CAPN5: variants seen among roughly 807,000 people sequenced by gnomAD.
The protein encoded by CAPN5 is calpain-5.
CAPN5 carries 54 observed loss-of-function variants against 73.0 expected under a neutral mutation model. The observed-to-expected ratio is 0.74, with a 90% confidence interval of 0.59 to 0.93. The LOEUF is 0.93. CAPN5 is among the 40% of genes least tolerant of loss of function. CAPN5 has a pLI of 0.00. For synonymous variants in CAPN5, 335 were observed against 356.9 expected, an observed-to-expected ratio of 0.94 and a Z score of 0.69; for missense variants, 785 against 882.9, an observed-to-expected ratio of 0.89 and a Z score of 1.41.
At chr11:77,087,849 G>A in intron 2 of CAPN5, 3 of 1,508,764 alleles carry the variant, frequency 2.0e-6, no homozygotes, top group Non-Finnish European at 2.7e-6. Flanking sequence ...CTGCAGGTGG[G>A]ACCAGGCCTT....
chr11:77,085,095 C>T (rs1950071654), intron 2 of CAPN5, 44 bp downstream of exon 2: 2 of 1,571,212 alleles, frequency 1.3e-6, no homozygotes, highest in South Asian at 1.1e-5. Context: ...CGGGCCCAGG[C>T]CCACCCACAA....
intron 1 of CAPN5, among the ~76,000 whole-genome samples, chr11:77,082,928 G>A (rs1019689583): frequency 2.0e-5 from 3 of 152,344 alleles, no homozygotes; most frequent in Non-Finnish European, 2.9e-5. Flanking sequence ...TCTAATTCTT[G>A]TAGCCTAAAT....
intron 3 of CAPN5, among the ~76,000 whole-genome samples, chr11:77,096,407 G>A (rs1200555055): frequency 1.3e-5 from 2 of 152,166 alleles, no homozygotes; most frequent in African/African-American, 4.8e-5. Context: ...GATTAAAGGG[G>A]CCGGAGGAAG....
At chr11:77,072,664 A>G (rs961966301) in intron 1 of CAPN5, among the ~76,000 whole-genome samples, 5 of 152,168 alleles carry the variant, frequency 3.3e-5, no homozygotes, top group Non-Finnish European at 7.3e-5. Context: ...AGCACAACTC[A>G]TTTCTGAGGT....
Position 77,116,298 on chromosome 11 carries a change from G to T in CAPN5, c.966G>T (p.Glu322Asp). ...GTGTGACCGTGCAGGACGACGGTGA[G>T]TTCTGGTGAGTGTGTATGTGCCCTG... ...KMGVTVQDDG[E>D]FWMTFEDVCR... The change falls in exon 7 of 13, where the codon GAG becomes GAT. Residue 322 changes from glutamate to aspartate, a missense_variant. Coordinates refer to ENST00000648180, the MANE Select transcript of CAPN5 (RefSeq NM_004055.5). The T allele has an allele frequency of 6.2e-7, 1 of 1,612,930 alleles. No homozygotes were observed. Among genetic ancestry groups the T allele is most frequent in the Non-Finnish European group, 8.5e-7 (1 of 1,179,450 alleles).
At chr11:77,095,869 T>C (rs1330053703) in intron 3 of CAPN5, among the ~76,000 whole-genome samples, 1 of 152,166 alleles carries the variant, frequency 6.6e-6, no homozygotes, top group Non-Finnish European at 1.5e-5. Context: ...CTGGCCTGGC[T>C]GGTCTGGGAG....
At chr11:77,081,940 C>T (rs945795457) in intron 1 of CAPN5, among the ~76,000 whole-genome samples, 9 of 152,098 alleles carry the variant, frequency 5.9e-5, no homozygotes, top group Admixed American at 1.3e-4. Flanking sequence ...TGAAGGAATT[C>T]CTCCTGCACT....
intron 6 of CAPN5, 126 bp downstream of exon 6, chr11:77,115,714 C>A (rs1415187101): frequency 8.4e-6 from 6 of 710,834 alleles, no homozygotes; most frequent in Non-Finnish European, 1.4e-5. Context: ...ACACTAGGAA[C>A]GAAGAAGGGA....
chr11:77,075,610 C>T (rs576749874), intron 1 of CAPN5, among the ~76,000 whole-genome samples: 6 of 152,210 alleles, frequency 3.9e-5, no homozygotes, highest in South Asian at 2.1e-4. Flanking sequence ...GTGAAGGGCC[C>T]GGATCTGCTG....
chr11:77,099,532 G>C (rs1202047234), intron 3 of CAPN5, among the ~76,000 whole-genome samples: 8 of 150,022 alleles, frequency 5.3e-5, no homozygotes, highest in East Asian at 4.0e-4. Context: ...GCTGGAGACC[G>C]GCCCGGCCAA....
At chr11:77,110,911 G>C (rs1388095929) in intron 3 of CAPN5, among the ~76,000 whole-genome samples, 2 of 152,166 alleles carry the variant, frequency 1.3e-5, no homozygotes, top group Non-Finnish European at 2.9e-5. Context: ...TCCTCCGCCT[G>C]GGTGCCCCCC....
chr11:77,087,123 G>A (rs1411137095), intron 2 of CAPN5, among the ~76,000 whole-genome samples: 2 of 152,256 alleles, frequency 1.3e-5, no homozygotes, highest in African/African-American at 4.8e-5. Context: ...TGGGGACTCA[G>A]ACCAGGCTGG....
chr11:77,071,678 G>A (rs1949908190), intron 1 of CAPN5: 2 of 451,750 alleles, frequency 4.4e-6, no homozygotes, highest in Non-Finnish European at 9.0e-6. Context: ...CCCATCTGAG[G>A]ACGGGTATGT....
At chr11:77,099,587 C>T (rs1950261430) in intron 3 of CAPN5, among the ~76,000 whole-genome samples, 3 of 150,842 alleles carry the variant, frequency 2.0e-5, no homozygotes, top group East Asian at 3.9e-4. Context: ...GGCGTGGTGG[C>T]GCGTGCCTGC....
intron 3 of CAPN5, among the ~76,000 whole-genome samples, chr11:77,106,915 C>T (rs898372077): frequency 2.0e-5 from 3 of 152,218 alleles, no homozygotes; most frequent in Non-Finnish European, 1.5e-5. Flanking sequence ...TGTCCTCCTC[C>T]GTCACCATCG....
At chr11:77,079,184 A>G (rs1367482242) in intron 1 of CAPN5, among the ~76,000 whole-genome samples, 1 of 151,410 alleles carries the variant, frequency 6.6e-6, no homozygotes, top group East Asian at 1.9e-4. Flanking sequence ...TTCCCTAGAG[A>G]TTGGGTCTTG....
chr11:77,092,545 C>T (rs1950158496), intron 2 of CAPN5, among the ~76,000 whole-genome samples: 1 of 152,248 alleles, frequency 6.6e-6, no homozygotes, highest in Admixed American at 6.5e-5. Context: ...AAGGGGCTTC[C>T]AGAAATTAGG....
chr11:77,122,525 GCCACA>G, intron 11 of CAPN5, 46 bp from the exon 12 acceptor site: 2 of 1,435,658 alleles, frequency 1.4e-6, no homozygotes, highest in Non-Finnish European at 1.9e-6. Flanking sequence ...CTGTGGCCCT[GCCACA>G]GCCCCCACCC....
intron 2 of CAPN5, among the ~76,000 whole-genome samples, chr11:77,091,391 G>C (rs3781687): frequency 0.17 from 26,527 of 152,178 alleles, 2,631 homozygotes; most frequent in Admixed American, 0.23. Context: ...GCTCAGGAGC[G>C]CCTGCTGGAG....
Sources: gnomAD v4.1 joint callset for allele counts (sites outside exome capture counted in the v4.1 genomes callset) on GRCh38, gnomAD v4.1.1 for gene constraint, MANE v1.5 for transcripts, NCBI Gene and HGNC (gene_info 2026-07-23, HGNC 2026-07-21) for gene names.